The following CDYL variants were observed in gnomAD, a reference collection of about 807,000 sequenced individuals.
The protein encoded by CDYL is chromodomain Y-like protein.
Under a neutral mutation model 47.3 loss-of-function variants are expected in CDYL, and 8 were observed. The ratio of observed to expected loss-of-function variants is 0.17; its 90% CI spans 0.10 to 0.31. The LOEUF (loss-of-function observed/expected upper bound fraction) is 0.31. CDYL is among the 10% of genes least tolerant of loss of function. The pLI is 1.00. For missense variants in CDYL, 471 were observed against 701.4 expected (o/e 0.67, Z 3.71); for synonymous variants, 266 against 265.0 (o/e 1.00, Z -0.04).
At chr6:4,715,820 C>T (rs1328314709) in exon 2 of CDYL, 4 of 1,613,934 alleles carry the variant, frequency 2.5e-6, no homozygotes, top group African/African-American at 1.3e-5. Context: ...GGGGAAAAAG[C>T]AGGAAGAAAA....
chr6:4,923,951 G>A (rs1277374557), intron 2 of CDYL, among the ~76,000 whole-genome samples: 1 of 151,726 alleles, frequency 6.6e-6, no homozygotes, highest in East Asian at 1.9e-4. Context: ...TTTCTCCAAG[G>A]AGCATTTTTT....
At chr6:4,928,712 A>G (rs910367765) in intron 2 of CDYL, 1 of 152,192 alleles carries the variant, frequency 6.6e-6, no homozygotes, top group Non-Finnish European at 1.5e-5. Context: ...TGCATAGCCT[A>G]TAAACTGTTT....
At chr6:4,713,339 C>A (rs1757186658) in intron 1 of CDYL, among the ~76,000 whole-genome samples, 1 of 151,960 alleles carries the variant, frequency 6.6e-6, no homozygotes, top group Non-Finnish European at 1.5e-5. Context: ...GATCCTGGAG[C>A]CATAAGCTAG....
intron 1 of CDYL, among the ~76,000 whole-genome samples, chr6:4,799,082 G>C (rs1307975226): frequency 1.3e-5 from 2 of 152,120 alleles, no homozygotes; most frequent in African/African-American, 4.8e-5. Context: ...TTTACTTGCA[G>C]CTCTGCTTCA....
chr6:4,897,711 G>A (rs923221090), intron 2 of CDYL, among the ~76,000 whole-genome samples: 8 of 151,862 alleles, frequency 5.3e-5, no homozygotes, highest in African/African-American at 1.9e-4. Flanking sequence ...GAGGCCAGGA[G>A]TTTGAGACCA....
chr6:4,871,155 G>T (rs1431479842), intron 1 of CDYL, among the ~76,000 whole-genome samples: 2 of 152,106 alleles, frequency 1.3e-5, no homozygotes, highest in Admixed American at 1.3e-4. Context: ...ACATTGAATG[G>T]GCACTGAATT....
At chr6:4,833,141 T>G (rs1256029617) in intron 1 of CDYL, among the ~76,000 whole-genome samples, 1 of 144,888 alleles carries the variant, frequency 6.9e-6, no homozygotes, top group Non-Finnish European at 1.5e-5. Context: ...CTCTTGCTTT[T>G]CTAGTTCTTT....
rs554754571 is a variant in CDYL at position 4,891,699 on chromosome 6, C to A, written c.25-14C>A. 2.5e-5 allele frequency: 39 copies of A among 1,560,196 alleles called. No individual in the cohort carries two copies. The highest frequency in any genetic ancestry group is 3.2e-5 in the Non-Finnish European group (37 of 1,155,824). ...TTGATTTTTTTAAAACTATTTTTTT[C>A]CTTTTATGAACAGGTTGAAAGGATT... On this transcript the variant is annotated splice_polypyrimidine_tract_variant and intron_variant, in intron 1 of 6. Transcript: ENST00000397588.
At position 4,753,417 on chromosome 6, in the gene CDYL, A is replaced by G. The variant is rs956373869; in HGVS notation, c.186+18573A>G. 5.3e-5 allele frequency among the ~76,000 whole-genome samples: 8 copies of G among 152,314 alleles called. 1 individual carries two copies. The South Asian group carries it at 1.2e-3, about 24-fold the overall frequency. On this transcript the variant is annotated intron_variant, in intron 3 of 8. Transcript: ENST00000328908. ...GTACTCTGGACTCTCACTAGAGAAT[A>G]CAGCTTTGAACTCCCTGCTGTTCAA...
intron 1 of CDYL, among the ~76,000 whole-genome samples, chr6:4,795,986 G>T (rs1267493942): frequency 6.6e-6 from 1 of 151,690 alleles, no homozygotes; most frequent in Admixed American, 6.6e-5. Flanking sequence ...ACAGAGTCTT[G>T]CTCTGTTGCC....
chr6:4,918,103 T>G lies in CDYL; in HGVS notation c.692-17412T>G, dbSNP rs35431545. The stretch of plus-strand genomic sequence containing the variant: ...TTGATCAGTTGTCTTATGAAAACAA[T>G]AGTTGCAAAAGCCAGTTGGTTCTGA... On this transcript the variant is annotated intron_variant, in intron 2 of 6. Coordinates refer to ENST00000397588, the MANE Select transcript of CDYL (RefSeq NM_004824.4). Among the ~76,000 whole-genome samples, 1,632 of 152,242 alleles carry G rather than the reference T, an allele frequency of 0.011. 82 individuals are homozygous for G. The East Asian group carries it at 0.14, about 13-fold the overall frequency.
At chr6:4,778,998 T>C (rs537614582) in intron 1 of CDYL, among the ~76,000 whole-genome samples, 105 of 152,316 alleles carry the variant, frequency 6.9e-4, no homozygotes, top group African/African-American at 2.4e-3. Context: ...CATGAGAACA[T>C]ATGTAAAGCC....
chr6:4,717,983 T>C (rs769855111), intron 2 of CDYL, among the ~76,000 whole-genome samples: 29 of 152,030 alleles, frequency 1.9e-4, no homozygotes, highest in South Asian at 4.2e-4. Flanking sequence ...ATAGCTGCGA[T>C]TGTAGGCACA....
At chr6:4,737,925 G>GA (rs1189841647) in intron 3 of CDYL, among the ~76,000 whole-genome samples, 4 of 151,690 alleles carry the variant, frequency 2.6e-5, no homozygotes. Context: ...AGACATCTTA[G>GA]AAAAAATGTA....
chr6:4,811,091 G>A (rs1363940256), intron 1 of CDYL, among the ~76,000 whole-genome samples: 1 of 152,206 alleles, frequency 6.6e-6, no homozygotes, highest in Non-Finnish European at 1.5e-5. Flanking sequence ...TCAGTTTCAG[G>A]TCTGACAGAA....
chr6:4,799,435 G>A (rs533608987), intron 1 of CDYL, among the ~76,000 whole-genome samples: 9 of 152,134 alleles, frequency 5.9e-5, no homozygotes, highest in African/African-American at 2.2e-4. Context: ...TGGTCACATA[G>A]GTCTCCCATT....
intron 2 of CDYL, among the ~76,000 whole-genome samples, chr6:4,894,513 TTC>T (rs1762139145): frequency 6.6e-6 from 1 of 152,214 alleles, no homozygotes. Flanking sequence ...AAATTAAGAT[TTC>T]TGTGTTCACA....
At chr6:4,930,086 A>G (rs1472317608) in intron 2 of CDYL, among the ~76,000 whole-genome samples, 1 of 152,190 alleles carries the variant, frequency 6.6e-6, no homozygotes, top group Non-Finnish European at 1.5e-5. Context: ...CACTGCTGAT[A>G]TGTGCCTGAT....
chr6:4,952,573 G>A (rs1035810861), intron 6 of CDYL, among the ~76,000 whole-genome samples, 164 bp downstream of exon 6: 1 of 152,130 alleles, frequency 6.6e-6, no homozygotes, highest in Non-Finnish European at 1.5e-5. Context: ...CTGCCCCCAC[G>A]CACGCCTTGC....
Sources: gnomAD v4.1 joint callset for allele counts (sites outside exome capture counted in the v4.1 genomes callset) on GRCh38, gnomAD v4.1.1 for gene constraint, MANE v1.5 for transcripts, NCBI Gene and HGNC (gene_info 2026-07-23, HGNC 2026-07-21) for gene names.